Variants in NRXN1 observed in about 807,000 individuals in gnomAD.
NRXN1 encodes the protein neurexin-1.
A neutral mutation model predicts 150.9 loss-of-function variants in NRXN1; 39 were observed. The ratio of observed to expected loss-of-function variants is 0.26; its 90% CI spans 0.20 to 0.34. The LOEUF is 0.34. NRXN1 is among the 10% of genes least tolerant of loss of function. The pLI, the probability that NRXN1 is intolerant of heterozygous loss-of-function variation, is 1.00. For missense variants in NRXN1, 1,815 were observed against 1,949.9 expected, an observed-to-expected ratio of 0.93 and a Z score of 1.30; for synonymous variants, 924 against 757.0, an observed-to-expected ratio of 1.22 and a Z score of -3.62.
chr2:50,988,452 T>C (rs768307148), intron 2 of NRXN1, among the ~76,000 whole-genome samples: 29 of 151,944 alleles, frequency 1.9e-4, no homozygotes, highest in Non-Finnish European at 2.9e-5. Context: ...AGAATGCCAA[T>C]TTTGTTTGGA....
intron 18 of NRXN1, among the ~76,000 whole-genome samples, chr2:50,121,762 C>A (rs546193572): frequency 6.6e-6 from 1 of 152,070 alleles, no homozygotes; most frequent in Non-Finnish European, 1.5e-5. Context: ...AAGAAAACAT[C>A]CTAGTACTTT....
At chr2:50,610,676 T>TATATATATATA (rs1207220079) in intron 8 of NRXN1, among the ~76,000 whole-genome samples, 2 of 130,370 alleles carry the variant, frequency 1.5e-5, no homozygotes, top group African/African-American at 5.8e-5. Flanking sequence ...TATATATATA[T>TATATATATATA]ATCTGTACAA....
At chr2:50,978,466 A>C (rs545261393) in intron 2 of NRXN1, among the ~76,000 whole-genome samples, 2 of 151,404 alleles carry the variant, frequency 1.3e-5, no homozygotes, top group East Asian at 3.9e-4. Flanking sequence ...ATATATTTTC[A>C]ATTACCATAC....
intron 19 of NRXN1, among the ~76,000 whole-genome samples, chr2:50,060,603 C>T (rs1694373362): frequency 6.6e-6 from 1 of 152,090 alleles, no homozygotes; most frequent in African/African-American, 2.4e-5. Context: ...CAAATCTCAT[C>T]TTGAATTCTA....
At chr2:50,145,449 C>A (rs1426881911) in intron 18 of NRXN1, among the ~76,000 whole-genome samples, 1 of 151,624 alleles carries the variant, frequency 6.6e-6, no homozygotes, top group Non-Finnish European at 1.5e-5. Flanking sequence ...ATAATCTAAT[C>A]TAAAAAGTAG....
At chr2:50,336,806 AG>A (rs1306531863) in intron 17 of NRXN1, among the ~76,000 whole-genome samples, 2 of 152,252 alleles carry the variant, frequency 1.3e-5, no homozygotes, top group Non-Finnish European at 2.9e-5. Flanking sequence ...TAAAGTGATG[AG>A]GAAGCGAAGC....
At chr2:50,354,072 G>A (rs1042785752) in intron 17 of NRXN1, among the ~76,000 whole-genome samples, 4 of 152,026 alleles carry the variant, frequency 2.6e-5, no homozygotes, top group South Asian at 2.1e-4. Context: ...CTCACCTCCC[G>A]TTAGTTGATC....
intron 15 of NRXN1, among the ~76,000 whole-genome samples, chr2:50,480,115 T>C (rs1461262339): frequency 6.6e-6 from 1 of 152,170 alleles, no homozygotes; most frequent in Non-Finnish European, 1.5e-5. Context: ...TCCAGCTCAT[T>C]AAGAAAATTT....
chr2:50,080,449 A>C (rs577229078), intron 19 of NRXN1, among the ~76,000 whole-genome samples: 37 of 152,140 alleles, frequency 2.4e-4, no homozygotes, highest in African/African-American at 8.9e-4. Context: ...ATACAGGGGG[A>C]TTATTGTACT....
At chr2:50,874,442 G>A (rs1245097214) in intron 5 of NRXN1, among the ~76,000 whole-genome samples, 2 of 151,608 alleles carry the variant, frequency 1.3e-5, no homozygotes, top group African/African-American at 2.4e-5. Flanking sequence ...ACCAATAGGG[G>A]TACTGGTCAC....
chr2:50,161,964 C>G (rs987081129), intron 18 of NRXN1, among the ~76,000 whole-genome samples: 1 of 151,980 alleles, frequency 6.6e-6, no homozygotes, highest in Admixed American at 6.6e-5. Context: ...GGGACAACAA[C>G]AAGAAAAATG....
chr2:50,373,039 T>G (rs978677228), intron 17 of NRXN1, among the ~76,000 whole-genome samples: 1 of 152,018 alleles, frequency 6.6e-6, no homozygotes, highest in Non-Finnish European at 1.5e-5. Flanking sequence ...CATTGAGCAT[T>G]GCTATACCAT....
chr2:50,805,952 G>A (rs1667455677), intron 5 of NRXN1, among the ~76,000 whole-genome samples: 1 of 151,982 alleles, frequency 6.6e-6, no homozygotes, highest in South Asian at 2.1e-4. Context: ...CTATATTTTG[G>A]CTGTTTCTCA....
chr2:50,505,104 A>G (rs2092151911), intron 13 of NRXN1, among the ~76,000 whole-genome samples: 1 of 152,156 alleles, frequency 6.6e-6, no homozygotes, highest in Non-Finnish European at 1.5e-5. Flanking sequence ...ATATGTATGT[A>G]TGTATTTGCC....
intron 17 of NRXN1, among the ~76,000 whole-genome samples, chr2:50,305,880 T>A (rs767561424): frequency 6.6e-6 from 1 of 152,208 alleles, no homozygotes; most frequent in Non-Finnish European, 1.5e-5. Context: ...CGTCCTTCCA[T>A]GTGAGAACAG....
chr2:50,181,746 A>C (rs1253487673), intron 18 of NRXN1, among the ~76,000 whole-genome samples: 1 of 152,092 alleles, frequency 6.6e-6, no homozygotes, highest in Non-Finnish European at 1.5e-5. Flanking sequence ...ATTTTCAATA[A>C]GGTTAATTTA....
At chr2:50,698,615 A>G (rs1260438488) in intron 5 of NRXN1, among the ~76,000 whole-genome samples, 1 of 152,218 alleles carries the variant, frequency 6.6e-6, no homozygotes, top group East Asian at 1.9e-4. Flanking sequence ...CATAACCTAT[A>G]CAACAAACAT....
intron 5 of NRXN1, among the ~76,000 whole-genome samples, chr2:50,682,921 G>A (rs530108983): frequency 6.6e-6 from 1 of 152,230 alleles, no homozygotes; most frequent in East Asian, 1.9e-4. Context: ...ACATTTGTAT[G>A]CAAGTTTTAC....
intron 5 of NRXN1, among the ~76,000 whole-genome samples, chr2:50,746,328 CAGG>C (rs1700025529): frequency 6.6e-6 from 1 of 151,952 alleles, no homozygotes; most frequent in African/African-American, 2.4e-5. Context: ...GAGACTCAGG[CAGG>C]AGGACTGCTT....
Sources: gnomAD v4.1 joint callset for allele counts (sites outside exome capture counted in the v4.1 genomes callset) on GRCh38, gnomAD v4.1.1 for gene constraint, MANE v1.5 for transcripts, NCBI Gene and HGNC (gene_info 2026-07-23, HGNC 2026-07-21) for gene names.